Variants in LRP1B observed in about 807,000 individuals in gnomAD.
LRP1B encodes LDL receptor related protein 1B.
A neutral mutation model predicts 556.6 loss-of-function variants in LRP1B; 217 were observed. That is an observed-to-expected ratio of 0.39 (90% CI 0.35 to 0.44). The LOEUF is 0.44. Among genes scored for constraint, LRP1B ranks in the 20% least tolerant of loss-of-function variants. The pLI, the probability that LRP1B is intolerant of heterozygous loss-of-function variation, is 1.00. For synonymous variants in LRP1B, 2,047 were observed against 1,865.8 expected (o/e 1.10, Z -2.50); for missense variants, 5,053 against 5,620.8 (o/e 0.90, Z 3.23).
intron 41 of LRP1B, among the ~76,000 whole-genome samples, chr2:140,635,966 C>A (rs1684058243): frequency 6.6e-6 from 1 of 152,044 alleles, no homozygotes; most frequent in Non-Finnish European, 1.5e-5. Flanking sequence ...ATCTTTCCAG[C>A]CTAGCCATTT....
In LRP1B at chr2:140,869,753, T is replaced by C. The variant is rs541268864; in HGVS notation, c.4170-1490A>G. 6.6e-5 allele frequency among the ~76,000 whole-genome samples: 10 copies of C among 152,062 alleles called. No homozygotes were observed. In the East Asian group the frequency reaches 1.9e-3, roughly 30 times the overall value. ...GACCATCAGTTTCTTGTTTCAGCAA[T>C]CTCAGATTGAGGGAAGGATATTGTG... On this transcript the variant is annotated intron_variant, in intron 25 of 90. Transcript: ENST00000389484.
intron 52 of LRP1B, among the ~76,000 whole-genome samples, 177 bp from the exon 53 acceptor site, chr2:140,507,095 T>C (rs575708011): frequency 6.6e-6 from 1 of 152,314 alleles, no homozygotes; most frequent in African/African-American, 2.4e-5. Context: ...TGTATTTATA[T>C]TAGAATGTCT....
intron 15 of LRP1B, among the ~76,000 whole-genome samples, chr2:140,995,321 A>T (rs1483395028): frequency 5.3e-5 from 8 of 151,884 alleles, no homozygotes; most frequent in Admixed American, 5.3e-4. Flanking sequence ...GTCTGTGGGT[A>T]TGCCCCAAAC....
intron 29 of LRP1B, among the ~76,000 whole-genome samples, chr2:140,848,712 G>A (rs763064088): frequency 6.6e-6 from 1 of 152,162 alleles, no homozygotes; most frequent in South Asian, 2.1e-4. Flanking sequence ...AAGAGAAACT[G>A]CGTCTTTGGA....
At chr2:141,475,220 A>G (rs544124612) in intron 3 of LRP1B, among the ~76,000 whole-genome samples, 3 of 152,214 alleles carry the variant, frequency 2.0e-5, no homozygotes, top group Admixed American at 6.5e-5. Flanking sequence ...TAAAAATACA[A>G]AAATTAGCTG....
intron 63 of LRP1B, among the ~76,000 whole-genome samples, chr2:140,445,606 C>T (rs1686624160): frequency 6.6e-6 from 1 of 151,790 alleles, no homozygotes; most frequent in African/African-American, 2.4e-5. Context: ...TGCATTTTAT[C>T]ATATTATCTG....
intron 2 of LRP1B, among the ~76,000 whole-genome samples, chr2:141,729,756 T>C (rs191290914): frequency 6.6e-6 from 1 of 152,338 alleles, no homozygotes; most frequent in East Asian, 1.9e-4. Flanking sequence ...GAACATATTT[T>C]ATTGCTTTCA....
At chr2:141,630,598 A>C (rs562684923) in intron 2 of LRP1B, among the ~76,000 whole-genome samples, 34 of 152,340 alleles carry the variant, frequency 2.2e-4, no homozygotes, top group African/African-American at 7.9e-4. Flanking sequence ...GTAACAGAAA[A>C]AGCAGAAAAA....
chr2:140,691,723 C>T (rs1251883690), intron 41 of LRP1B, among the ~76,000 whole-genome samples: 1 of 151,956 alleles, frequency 6.6e-6, no homozygotes, highest in African/African-American at 2.4e-5. Flanking sequence ...AACATGGTTG[C>T]TAATGCAATT....
intron 11 of LRP1B, among the ~76,000 whole-genome samples, chr2:141,034,009 T>A (rs1478685708): frequency 6.6e-6 from 1 of 152,158 alleles, no homozygotes; most frequent in African/African-American, 2.4e-5. Context: ...GTAGCTGGGA[T>A]GGATTGAACT....
intron 2 of LRP1B, among the ~76,000 whole-genome samples, chr2:141,513,957 A>G (rs779606764): frequency 2.6e-5 from 4 of 152,124 alleles, no homozygotes; most frequent in Non-Finnish European, 5.9e-5. Flanking sequence ...TTGCCTTGGC[A>G]TCCATTTTAA....
intron 3 of LRP1B, among the ~76,000 whole-genome samples, chr2:141,381,126 C>T (rs1473329081): frequency 6.6e-6 from 1 of 151,614 alleles, no homozygotes; most frequent in African/African-American, 2.4e-5. Context: ...CTATAGATAA[C>T]AAAAAATAAT....
At chr2:140,791,777 C>T (rs1363463142) in intron 32 of LRP1B, among the ~76,000 whole-genome samples, 1 of 152,164 alleles carries the variant, frequency 6.6e-6, no homozygotes, top group East Asian at 1.9e-4. Flanking sequence ...ATCAGACCTT[C>T]CAGGTCTCTC....
intron 7 of LRP1B, among the ~76,000 whole-genome samples, chr2:141,117,897 T>C (rs760596146): frequency 2.6e-5 from 4 of 152,010 alleles, no homozygotes; most frequent in Non-Finnish European, 4.4e-5. Flanking sequence ...GGTTTGTCCT[T>C]ACAAAAATAC....
chr2:141,071,354 C>A (rs1427739301), intron 7 of LRP1B, among the ~76,000 whole-genome samples: 1 of 151,492 alleles, frequency 6.6e-6, no homozygotes, highest in Admixed American at 6.6e-5. Flanking sequence ...TGGGACGTAT[C>A]TCAAAATAAT....
At chr2:141,071,484 G>A (rs1699641290) in intron 7 of LRP1B, among the ~76,000 whole-genome samples, 1 of 152,068 alleles carries the variant, frequency 6.6e-6, no homozygotes, top group African/African-American at 2.4e-5. Context: ...CTATTCAACA[G>A]TGTTGGAAGT....
chr2:140,380,216 T>C (rs1298802348), intron 67 of LRP1B, among the ~76,000 whole-genome samples: 1 of 152,098 alleles, frequency 6.6e-6, no homozygotes, highest in African/African-American at 2.4e-5. Context: ...GAGCTATTAA[T>C]TGAACTTGAA....
chr2:140,257,481 C>T (rs1458683614), intron 86 of LRP1B, among the ~76,000 whole-genome samples: 6 of 152,218 alleles, frequency 3.9e-5, no homozygotes, highest in South Asian at 4.1e-4. Flanking sequence ...TACACAACTA[C>T]GTAATTGTTC....
At chr2:142,023,812 C>T (rs995057246) in intron 1 of LRP1B, among the ~76,000 whole-genome samples, 1 of 152,060 alleles carries the variant, frequency 6.6e-6, no homozygotes, top group Admixed American at 6.6e-5. Context: ...ATGTGTTTGC[C>T]TCCTACTGTT....
Sources: allele counts gnomAD v4.1 joint callset (sites outside exome capture counted in the v4.1 genomes callset), GRCh38; gene constraint gnomAD v4.1.1; transcripts MANE v1.5; gene names NCBI Gene and HGNC (gene_info 2026-07-23, HGNC 2026-07-21).